The following AGBL4 variants were observed in gnomAD, a reference collection of about 807,000 sequenced individuals.
The protein encoded by AGBL4 is cytosolic carboxypeptidase 6.
In AGBL4, 58 loss-of-function variants were observed where a neutral mutation model predicts 66.4. The observed-to-expected ratio is 0.87, with a 90% CI of 0.71 to 1.09. The LOEUF is 1.09. AGBL4 is among the 50% of genes least tolerant of loss of function. AGBL4 has a pLI of 0.00. For missense variants in AGBL4, 579 were observed against 631.0 expected (o/e 0.92, Z 0.88); for synonymous variants, 234 against 222.9 (o/e 1.05, Z -0.44).
At chr1:49,365,496 AAAT>A (rs1644225958) in intron 3 of AGBL4, among the ~76,000 whole-genome samples, 1 of 151,128 alleles carries the variant, frequency 6.6e-6, no homozygotes, top group African/African-American at 2.4e-5. Flanking sequence ...TTATTATTAT[AAAT>A]AATAATTTAT....
At chr1:48,631,429 C>T (rs1207223883) in intron 9 of AGBL4, among the ~76,000 whole-genome samples, 1 of 152,182 alleles carries the variant, frequency 6.6e-6, no homozygotes, top group East Asian at 1.9e-4. Flanking sequence ...CTTGATCTGT[C>T]ACTCAGGCTG....
At chr1:49,364,559 C>T (rs1447649948) in intron 3 of AGBL4, among the ~76,000 whole-genome samples, 1 of 151,838 alleles carries the variant, frequency 6.6e-6, no homozygotes, top group Non-Finnish European at 1.5e-5. Context: ...CTTGCTGCAA[C>T]CTCTGCCTCC....
intron 4 of AGBL4, among the ~76,000 whole-genome samples, chr1:49,134,486 C>T (rs868046097): frequency 2.0e-5 from 2 of 97,790 alleles, no homozygotes; most frequent in African/African-American, 3.8e-5. Context: ...CCCCCCCCCC[C>T]CCACCCCAGG....
intron 3 of AGBL4, among the ~76,000 whole-genome samples, chr1:49,659,742 T>C (rs1435127353): frequency 6.6e-6 from 1 of 152,090 alleles, no homozygotes; most frequent in Non-Finnish European, 1.5e-5. Flanking sequence ...CATTCAAGAC[T>C]TGAACTCAGC....
chr1:49,061,119 T>A (rs1644394606), intron 4 of AGBL4, among the ~76,000 whole-genome samples: 1 of 152,058 alleles, frequency 6.6e-6, no homozygotes, highest in Non-Finnish European at 1.5e-5. Context: ...GCCAATGACT[T>A]TCAGCTCTCC....
chr1:49,979,093 T>C (rs745800862), intron 1 of AGBL4, among the ~76,000 whole-genome samples: 5 of 152,236 alleles, frequency 3.3e-5, no homozygotes, highest in Non-Finnish European at 5.9e-5. Flanking sequence ...AAAATATAGG[T>C]AGATACAAGT....
At chr1:49,372,631 CTT>C (rs1166347419) in intron 3 of AGBL4, among the ~76,000 whole-genome samples, 3 of 125,498 alleles carry the variant, frequency 2.4e-5, no homozygotes, top group African/African-American at 1.1e-4. Flanking sequence ...TTCTTTCTTT[CTT>C]TCTTTCTTTC....
At chr1:48,990,164 G>A (rs1196526029) in intron 5 of AGBL4, among the ~76,000 whole-genome samples, 1 of 151,936 alleles carries the variant, frequency 6.6e-6, no homozygotes, top group East Asian at 1.9e-4. Flanking sequence ...ATGCCTCTTG[G>A]CCATCTGTAC....
chr1:49,313,934 T>A (rs542391397), intron 3 of AGBL4, among the ~76,000 whole-genome samples: 24 of 152,288 alleles, frequency 1.6e-4, no homozygotes, highest in Admixed American at 1.4e-3. Context: ...ATTCATGAAG[T>A]CTTTGCCCAT....
intron 5 of AGBL4, among the ~76,000 whole-genome samples, chr1:48,941,349 T>G (rs1024911590): frequency 1.3e-4 from 20 of 152,090 alleles, no homozygotes; most frequent in African/African-American, 4.8e-4. Context: ...CTCTAGGGAG[T>G]TAATTTCTGG....
chr1:49,793,473 A>C (rs568190440), intron 2 of AGBL4, among the ~76,000 whole-genome samples: 1 of 152,146 alleles, frequency 6.6e-6, no homozygotes, highest in South Asian at 2.1e-4. Flanking sequence ...ACTGAAGAAA[A>C]GCATACAGAC....
chr1:49,355,160 A>G (rs1643993901), intron 3 of AGBL4, among the ~76,000 whole-genome samples: 1 of 152,192 alleles, frequency 6.6e-6, no homozygotes, highest in Non-Finnish European at 1.5e-5. Flanking sequence ...AATAAAAACA[A>G]CACATATTTC....
At chr1:49,401,288 G>A (rs1401992590) in intron 3 of AGBL4, among the ~76,000 whole-genome samples, 1 of 152,114 alleles carries the variant, frequency 6.6e-6, no homozygotes. Flanking sequence ...AGTATCATGA[G>A]AACAGTATGG....
intron 6 of AGBL4, among the ~76,000 whole-genome samples, chr1:48,841,823 TA>T (rs1254673774): frequency 6.6e-6 from 1 of 152,110 alleles, no homozygotes; most frequent in Non-Finnish European, 1.5e-5. Context: ...CTTTAAATAT[TA>T]AAAAAATCTG....
intron 1 of AGBL4, among the ~76,000 whole-genome samples, chr1:49,970,348 A>G (rs978534135): frequency 6.6e-6 from 1 of 152,218 alleles, no homozygotes; most frequent in Admixed American, 6.5e-5. Flanking sequence ...TGCAAACCAA[A>G]TATCTGACAA....
At chr1:49,677,315 G>T (rs940899260) in intron 3 of AGBL4, among the ~76,000 whole-genome samples, 3 of 151,978 alleles carry the variant, frequency 2.0e-5, no homozygotes, top group Non-Finnish European at 4.4e-5. Flanking sequence ...AATAGGTGTT[G>T]AATTTTGCCA....
chr1:49,384,380 T>G (rs1031550851), intron 3 of AGBL4, among the ~76,000 whole-genome samples: 2 of 150,844 alleles, frequency 1.3e-5, no homozygotes, highest in African/African-American at 4.9e-5. Context: ...GATCATGAGG[T>G]CAGGAGCTCG....
chr1:48,768,173 C>T (rs1052755034), intron 6 of AGBL4, among the ~76,000 whole-genome samples: 2 of 6,970 alleles, frequency 2.9e-4, no homozygotes, highest in Non-Finnish European at 0.02. Context: ...CTAAAAGGCA[C>T]ATGTAACATG....
intron 11 of AGBL4, among the ~76,000 whole-genome samples, chr1:48,557,659 C>T (rs1303105469): frequency 3.3e-5 from 5 of 152,154 alleles, no homozygotes; most frequent in African/African-American, 9.7e-5. Context: ...TAGAAGGATC[C>T]GGTTCCTTTG....
Sources: allele counts gnomAD v4.1 joint callset (sites outside exome capture counted in the v4.1 genomes callset), GRCh38; gene constraint gnomAD v4.1.1; transcripts MANE v1.5; gene names NCBI Gene and HGNC (gene_info 2026-07-23, HGNC 2026-07-21).